Variants in FOXN3 observed in about 807,000 individuals in gnomAD.
FOXN3 encodes forkhead box protein N3.
FOXN3 carries 7 observed loss-of-function variants against 38.4 expected under a neutral mutation model. That is an observed-to-expected ratio of 0.18 (90% CI 0.10 to 0.34). The LOEUF is 0.34. FOXN3 is among the 10% of genes least tolerant of loss of function. FOXN3 has a pLI of 1.00. For missense variants in FOXN3, 456 were observed against 613.4 expected, an observed-to-expected ratio of 0.74 and a Z score of 2.71; for synonymous variants, 230 against 242.2, an observed-to-expected ratio of 0.95 and a Z score of 0.47.
Position 89,301,479 on chromosome 14 carries a change from A to T in FOXN3, c.681-20465T>A, listed in dbSNP as rs571249611. 4.9e-4 allele frequency among the ~76,000 whole-genome samples: 75 copies of T among 152,068 alleles called. 1 individual carries two copies. The highest frequency in any genetic ancestry group is 1.6e-3 in the African/African-American group (65 of 41,468). ...TGACAGAGTGATACCCCATCTTAAA[A>T]AAAAATGTGGTGGGGCTCGGTGGCT... is the stretch of plus-strand genomic sequence containing the variant. On this transcript the variant is annotated intron_variant, in intron 3 of 5. Coordinates refer to ENST00000557258, the MANE Select transcript of FOXN3 (RefSeq NM_005197.4).
At position 89,161,596 on chromosome 14, in the gene FOXN3, T is replaced by TGTGTGTGTGTGTGCGC. The variant is rs61390956; in HGVS notation, c.*817_*818insGCGCACACACACACAC. On this transcript the variant is annotated 3_prime_UTR_variant, in exon 6 of 6. Coordinates refer to ENST00000557258, the MANE Select transcript of FOXN3 (RefSeq NM_005197.4). Reference sequence around the variant, plus strand: ...GTGTGTGTGTGTGTGTGTGTGTGTGTGCGTGCGTGCACAGGGCCAATCTTC... The same window carrying TGTGTGTGTGTGTGCGC: ...GTGTGTGTGTGTGTGTGTGTGTGTGTGTGTGTGTGTGTGCGCGCGTGCGTGCACAGGGCCAATCTTC... 8 of 136,624 alleles carry TGTGTGTGTGTGTGCGC rather than the reference T, an allele frequency of 5.9e-5. No individual in the cohort carries two copies. The highest frequency in any genetic ancestry group is 1.4e-4 in the African/African-American group (5 of 36,686). 8.5% of individuals were successfully genotyped at this position (136,624 alleles called of 1,614,324 possible). A position where few individuals can be genotyped will look rare whatever the true frequency, so the allele number is the denominator to read the frequency against.
chr14:89,525,631 TAAAA>T (rs55848557), intron 1 of FOXN3, among the ~76,000 whole-genome samples: 28 of 123,880 alleles, frequency 2.3e-4, no homozygotes, highest in Non-Finnish European at 2.8e-4. Context: ...TTGTTTTCAC[TAAAA>T]AAAAAAAAAA....
chr14:89,340,019 T>C (rs1888570852), intron 3 of FOXN3, among the ~76,000 whole-genome samples: 1 of 151,918 alleles, frequency 6.6e-6, no homozygotes, highest in African/African-American at 2.4e-5. Context: ...CTGCTCTCCT[T>C]ACAGTTAAAA....
chr14:89,298,605 A>G (rs2139943586), intron 3 of FOXN3, among the ~76,000 whole-genome samples: 1 of 152,314 alleles, frequency 6.6e-6, no homozygotes, highest in Non-Finnish European at 1.5e-5. Flanking sequence ...CAGACAGTAC[A>G]TAAGGCAGGT....
rs542365217 is a variant in FOXN3, at chr14:89,189,090, G to C, written c.746-8284C>G. 5.3e-4 allele frequency among the ~76,000 whole-genome samples: 80 copies of C among 152,228 alleles called. 2 individuals carry two copies. In the South Asian group the frequency reaches 0.016, roughly 31 times the overall value. On this transcript the variant is annotated intron_variant, in intron 4 of 5. Transcript: ENST00000557258. The stretch of plus-strand genomic sequence containing the variant: ...ATGGCAGCTCCAGGCAGAGGAACAA[G>C]TCTCCCTGAGAATGCTCAGCTGAAT...
chr14:89,523,247 C>A (rs1001370007), intron 1 of FOXN3, among the ~76,000 whole-genome samples: 8 of 152,058 alleles, frequency 5.3e-5, no homozygotes, highest in Admixed American at 3.9e-4. Flanking sequence ...GAAAAACAGA[C>A]AAATCGATAA....
intron 2 of FOXN3, among the ~76,000 whole-genome samples, chr14:89,386,015 C>G (rs1890781021): frequency 6.6e-6 from 1 of 152,224 alleles, no homozygotes. Context: ...AACGGTTCTA[C>G]TCTCCAACAA....
At chr14:89,342,667 C>T (rs1228647061) in intron 3 of FOXN3, among the ~76,000 whole-genome samples, 4 of 152,078 alleles carry the variant, frequency 2.6e-5, no homozygotes, top group Admixed American at 6.6e-5. Flanking sequence ...TTGAAAGCCC[C>T]GGTATTCAAT....
chr14:89,294,954 C>T (rs1886990534), intron 3 of FOXN3, among the ~76,000 whole-genome samples: 1 of 152,192 alleles, frequency 6.6e-6, no homozygotes, highest in Non-Finnish European at 1.5e-5. Flanking sequence ...GATCCAAGAG[C>T]CTCCTCTTGG....
At chr14:89,221,598 T>A (rs1325903446) in intron 4 of FOXN3, among the ~76,000 whole-genome samples, 1 of 152,224 alleles carries the variant, frequency 6.6e-6, no homozygotes, top group African/African-American at 2.4e-5. Context: ...ATAAAGAACT[T>A]GATTTTGCCA....
chr14:89,446,119 G>GAAAA (rs1892490576), intron 1 of FOXN3, among the ~76,000 whole-genome samples: 1 of 83,746 alleles, frequency 1.2e-5, no homozygotes, highest in Non-Finnish European at 2.7e-5. Context: ...AAATTTTAAG[G>GAAAA]AAGAGTTGGG....
intron 4 of FOXN3, among the ~76,000 whole-genome samples, chr14:89,266,489 G>C (rs28581304): frequency 2.4e-4 from 36 of 152,204 alleles, no homozygotes; most frequent in Non-Finnish European, 3.7e-4. Flanking sequence ...GAGGCGGCTG[G>C]GGGGGCGGTG....
At chr14:89,384,633 T>C (rs956918767) in intron 2 of FOXN3, among the ~76,000 whole-genome samples, 1 of 152,202 alleles carries the variant, frequency 6.6e-6, no homozygotes, top group Non-Finnish European at 1.5e-5. Context: ...GTCCTAGGAA[T>C]ACCTCATCTA....
chr14:89,240,880 C>T (rs373280450), intron 4 of FOXN3, among the ~76,000 whole-genome samples: 3 of 152,198 alleles, frequency 2.0e-5, no homozygotes, highest in South Asian at 2.1e-4. Context: ...GGGGTAGGGC[C>T]GGGCCTGGCT....
chr14:89,227,249 T>C (rs962565232), intron 4 of FOXN3, among the ~76,000 whole-genome samples: 14 of 152,138 alleles, frequency 9.2e-5, no homozygotes, highest in Admixed American at 9.2e-4. Flanking sequence ...TCTGGCTGAC[T>C]CCCATTTGTC....
intron 1 of FOXN3, among the ~76,000 whole-genome samples, chr14:89,480,351 C>T (rs1021710508): frequency 6.6e-6 from 1 of 151,580 alleles, no homozygotes; most frequent in Non-Finnish European, 1.5e-5. Context: ...TGCAGTGAGC[C>T]GAGACCGTGC....
chr14:89,415,466 A>G (rs1174793863), intron 1 of FOXN3, among the ~76,000 whole-genome samples: 3 of 152,020 alleles, frequency 2.0e-5, no homozygotes, highest in Non-Finnish European at 2.9e-5. Context: ...CCCTTGGATC[A>G]TGTGTGCGTT....
At chr14:89,406,289 A>G (rs964003023) in intron 2 of FOXN3, among the ~76,000 whole-genome samples, 22 of 152,036 alleles carry the variant, frequency 1.4e-4, no homozygotes, top group African/African-American at 5.1e-4. Context: ...ATGTGGTGGC[A>G]TGCACCTGTA....
At chr14:89,410,362 GAGGGAGAACC>G (rs1312969942) in intron 2 of FOXN3, among the ~76,000 whole-genome samples, 8 of 152,186 alleles carry the variant, frequency 5.3e-5, no homozygotes, top group Non-Finnish European at 1.0e-4. Context: ...ACTTCAAAAA[GAGGGAGAACC>G]AGCACCCCAG....
Sources: allele counts gnomAD v4.1 joint callset (sites outside exome capture counted in the v4.1 genomes callset), GRCh38; gene constraint gnomAD v4.1.1; transcripts MANE v1.5; gene names NCBI Gene and HGNC (gene_info 2026-07-23, HGNC 2026-07-21).